NCAM2: variants seen among roughly 807,000 people sequenced by gnomAD.
NCAM2 encodes the protein neural cell adhesion molecule 2.
NCAM2 carries 30 observed loss-of-function variants against 98.1 expected under a neutral mutation model. The ratio of observed to expected loss-of-function variants is 0.31; its 90% confidence interval spans 0.23 to 0.41. The LOEUF is 0.41. Among genes scored for constraint, NCAM2 ranks in the 10% least tolerant of loss-of-function variants. The probability of loss-of-function intolerance (pLI) is 1.00; values close to 1 mark genes in which losing one functional copy is unlikely to be tolerated. For synonymous variants in NCAM2, 368 were observed against 342.4 expected (o/e 1.07, Z -0.83); for missense variants, 867 against 1,005.8 (o/e 0.86, Z 1.87).
Position 21,009,114 on chromosome 21 carries a change from G to A in NCAM2, c.55+10496G>A, listed in dbSNP as rs186409187. On this transcript the variant is annotated intron_variant, in intron 1 of 17. Transcript: ENST00000400546. ...TAGAGAGTTTTCTGTAAATTCATATGTGTATTCCTAGAACATGGTAGAAGC... is the reference window on the plus strand; with the variant it reads ...TAGAGAGTTTTCTGTAAATTCATATATGTATTCCTAGAACATGGTAGAAGC... 4.2e-4 allele frequency among the ~76,000 whole-genome samples: 64 copies of A among 152,234 alleles called. 1 individual carries two copies. The highest frequency in any genetic ancestry group is 1.4e-3 in the African/African-American group (60 of 41,542).
chr21:21,442,943 G>A (rs542029925), intron 12 of NCAM2, among the ~76,000 whole-genome samples: 1 of 151,892 alleles, frequency 6.6e-6, no homozygotes, highest in African/African-American at 2.4e-5. Flanking sequence ...TCCCACCCTC[G>A]CCCCTCCTAC....
chr21:21,338,808 C>T (rs557339254), intron 8 of NCAM2, among the ~76,000 whole-genome samples: 4 of 152,156 alleles, frequency 2.6e-5, no homozygotes, highest in African/African-American at 9.6e-5. Context: ...TTTTGTTATA[C>T]GTTGAATCTA....
At chr21:21,199,918 C>T (rs539632027) in intron 1 of NCAM2, among the ~76,000 whole-genome samples, 1 of 152,092 alleles carries the variant, frequency 6.6e-6, no homozygotes, top group South Asian at 2.1e-4. Flanking sequence ...AATACAATGG[C>T]TTACACACTC....
intron 5 of NCAM2, among the ~76,000 whole-genome samples, chr21:21,315,425 C>T (rs532557730): frequency 6.6e-5 from 10 of 152,242 alleles, no homozygotes; most frequent in South Asian, 4.1e-4. Flanking sequence ...CAGAAAGCTG[C>T]GATCTTATTT....
chr21:21,366,911 G>A (rs1568985352), intron 8 of NCAM2, among the ~76,000 whole-genome samples: 1 of 151,934 alleles, frequency 6.6e-6, no homozygotes. Flanking sequence ...TTTTAAAATA[G>A]TTGATCCATA....
At chr21:21,236,347 A>G (rs2070822715) in intron 1 of NCAM2, among the ~76,000 whole-genome samples, 1 of 152,098 alleles carries the variant, frequency 6.6e-6, no homozygotes, top group Non-Finnish European at 1.5e-5. Flanking sequence ...TATCACAACC[A>G]TCAATAAATA....
At chr21:21,482,182 A>G (rs1012519333) in intron 15 of NCAM2, among the ~76,000 whole-genome samples, 1 of 152,194 alleles carries the variant, frequency 6.6e-6, no homozygotes, top group African/African-American at 2.4e-5. Context: ...CATATCAGAA[A>G]CAAACCATAA....
rs971100013 is a variant in NCAM2, at chr21:21,538,840, A to C, written c.*883A>C. 6 of 152,154 alleles carry C rather than the reference A, an allele frequency of 3.9e-5. No individual in the cohort carries two copies. The highest frequency in any genetic ancestry group is 8.8e-5 in the Non-Finnish European group (6 of 68,004). 9.4% of individuals were successfully genotyped at this position (152,154 alleles called of 1,614,324 possible). A position where few individuals can be genotyped will look rare whatever the true frequency, so the allele number is the denominator to read the frequency against. Reference sequence around the variant, plus strand: ...CATTTATTTTTAAAATAATTTATCAAAAAACAAGTCTTTAGTGTTCAAATA... The same window carrying C: ...CATTTATTTTTAAAATAATTTATCACAAAACAAGTCTTTAGTGTTCAAATA... On this transcript the variant is annotated 3_prime_UTR_variant, in exon 18 of 18. Transcript: ENST00000400546.
chr21:21,372,032 A>G (rs2075928975), intron 8 of NCAM2, among the ~76,000 whole-genome samples: 1 of 151,792 alleles, frequency 6.6e-6, no homozygotes, highest in Admixed American at 6.6e-5. Context: ...GGCCACCTCA[A>G]ATGTGCTGTG....
intron 1 of NCAM2, among the ~76,000 whole-genome samples, chr21:21,200,409 G>GAAAAA (rs34019227): frequency 1.5e-5 from 2 of 134,866 alleles, no homozygotes; most frequent in African/African-American, 3.0e-5. Context: ...CCCCATGCCT[G>GAAAAA]AAAAAAAAAA....
At chr21:21,446,048 A>T (rs1980083125) in intron 12 of NCAM2, among the ~76,000 whole-genome samples, 1 of 152,030 alleles carries the variant, frequency 6.6e-6, no homozygotes, top group African/African-American at 2.4e-5. Flanking sequence ...ATCCCTCAAC[A>T]TTTGCTTATC....
At chr21:21,192,771 A>G (rs184727230) in intron 1 of NCAM2, among the ~76,000 whole-genome samples, 26 of 152,294 alleles carry the variant, frequency 1.7e-4, no homozygotes, top group Admixed American at 1.2e-3. Flanking sequence ...TGGTTCTAGC[A>G]TGGGAAGAGG....
At chr21:21,038,202 C>T (rs1460976808) in intron 1 of NCAM2, among the ~76,000 whole-genome samples, 3 of 152,064 alleles carry the variant, frequency 2.0e-5, no homozygotes, top group African/African-American at 7.2e-5. Flanking sequence ...ACAAGGTTGA[C>T]ATTTATTTCC....
At chr21:21,064,889 C>G (rs575717087) in intron 1 of NCAM2, among the ~76,000 whole-genome samples, 5 of 151,930 alleles carry the variant, frequency 3.3e-5, no homozygotes, top group Admixed American at 3.3e-4. Flanking sequence ...TTAAAAGTCT[C>G]ACTTCCAAGG....
At chr21:21,399,434 T>C (rs1485565039) in intron 9 of NCAM2, among the ~76,000 whole-genome samples, 1 of 152,222 alleles carries the variant, frequency 6.6e-6, no homozygotes, top group Non-Finnish European at 1.5e-5. Context: ...CAGAGTATTA[T>C]GACTGGAAAA....
At position 21,542,786 on chromosome 21, in the gene NCAM2, T is replaced by C. The variant is rs1016132943; in HGVS notation, c.*4829T>C. 3.3e-5 allele frequency: 5 copies of C among 151,872 alleles called. No homozygotes were observed. The highest frequency in any genetic ancestry group is 2.0e-4 in the Admixed American group (3 of 15,182). 9.4% of individuals were successfully genotyped at this position (151,872 alleles called of 1,614,324 possible). ...AGATAAAAATTATGGCCGATTACAC[T>C]GATGCGAAGGAGAAAACAGTGTAAC... On this transcript the variant is annotated 3_prime_UTR_variant, in exon 18 of 18. Coordinates refer to ENST00000400546, the MANE Select transcript of NCAM2 (RefSeq NM_004540.5).
intron 12 of NCAM2, among the ~76,000 whole-genome samples, chr21:21,437,749 G>T (rs970412324): frequency 1.3e-5 from 2 of 151,954 alleles, no homozygotes; most frequent in Non-Finnish European, 2.9e-5. Context: ...CTTCATTTTT[G>T]ATGTTTCAGA....
At chr21:21,085,482 C>T (rs992218584) in intron 1 of NCAM2, among the ~76,000 whole-genome samples, 6 of 152,052 alleles carry the variant, frequency 3.9e-5, no homozygotes, top group Non-Finnish European at 8.8e-5. Flanking sequence ...GTCTCATGCT[C>T]GTTTTGCTTG....
Position 21,540,797 on chromosome 21 carries a change from A to T in NCAM2, c.*2840A>T, listed in dbSNP as rs1315039255. The T allele has an allele frequency of 6.6e-6, 1 of 152,022 alleles. No homozygotes were observed. The highest frequency in any genetic ancestry group is 6.6e-5 in the Admixed American group (1 of 15,230). 9.4% of individuals were successfully genotyped at this position (152,022 alleles called of 1,614,324 possible). A position where few individuals can be genotyped will look rare whatever the true frequency, so the allele number is the denominator to read the frequency against. ...GGTATTTCTTGATAGGTTAGGTGCA[A>T]TTAGGCAGTGACAATCTGTATTCAA... On this transcript the variant is annotated 3_prime_UTR_variant, in exon 18 of 18. Coordinates refer to ENST00000400546, the MANE Select transcript of NCAM2 (RefSeq NM_004540.5).
Sources: gnomAD v4.1 joint callset for allele counts (sites outside exome capture counted in the v4.1 genomes callset) on GRCh38, gnomAD v4.1.1 for gene constraint, MANE v1.5 for transcripts, NCBI Gene and HGNC (gene_info 2026-07-23, HGNC 2026-07-21) for gene names.